PIGQ: variants seen among roughly 807,000 people sequenced by gnomAD.
PIGQ encodes the protein phosphatidylinositol N-acetylglucosaminyltransferase subunit Q.
A neutral mutation model predicts 60.3 loss-of-function variants in PIGQ; 54 were observed. The ratio of observed to expected loss-of-function variants is 0.90; its 90% CI spans 0.72 to 1.12. The LOEUF (loss-of-function observed/expected upper bound fraction) is 1.12, where lower values mean the gene tolerates loss of function less well. Ranked by LOEUF, PIGQ falls within the 50% of genes most tolerant of loss-of-function variation. The pLI is 0.00. For synonymous variants in PIGQ, 416 were observed against 363.7 expected (o/e 1.14, Z -1.64); for missense variants, 799 against 793.5 (o/e 1.01, Z -0.08).
chr16:571,229 CTGTGTG>C (rs57285833), intron 1 of PIGQ, among the ~76,000 whole-genome samples: 2 of 4,360 alleles, frequency 4.6e-4, no homozygotes, highest in Admixed American at 2.9e-3. Flanking sequence ...TCTGGTTAGC[CTGTGTG>C]TGTGTGTGTG....
intron 8 of PIGQ, chr16:580,586 C>T (rs2035794819): frequency 1.8e-6 from 1 of 555,900 alleles, no homozygotes; most frequent in Admixed American, 3.0e-5. Context: ...CCACCTCCAG[C>T]ACCTGCTTGA....
At position 583,401 on chromosome 16, in the gene PIGQ, G is replaced by A. The variant is rs1305414158; in HGVS notation, c.*366G>A. The A allele has an allele frequency of 3.7e-6, 6 of 1,612,644 alleles. No homozygotes were observed. The highest frequency in any genetic ancestry group is 1.6e-4 in the Middle Eastern group (1 of 6,084). On this transcript the variant is annotated 3_prime_UTR_variant, in exon 11 of 11. Transcript: ENST00000321878. ...TCCACCACAGCAGCCCCAGGTGGAG[G>A]GCTGGTCTCCCTGGGGGCTCCCCAG...
Position 584,030 on chromosome 16 carries a change from G to T in PIGQ, c.*995G>T. 1 of 333,426 alleles carries T rather than the reference G, an allele frequency of 3.0e-6. No homozygotes were observed. The highest frequency in any genetic ancestry group is 5.9e-6 in the Non-Finnish European group (1 of 169,532). 20.7% of individuals were successfully genotyped at this position (333,426 alleles called of 1,614,324 possible). On this transcript the variant is annotated 3_prime_UTR_variant, in exon 11 of 11. Transcript: ENST00000321878. ...GCAGCGCCCATCTCAGCAGCACCAG[G>T]ACTGCCTGGGACTCCCTGGCAACCC...
Position 583,285 on chromosome 16 carries a change from G to T in PIGQ, c.*250G>T, listed in dbSNP as rs1400575667. On this transcript the variant is annotated 3_prime_UTR_variant, in exon 11 of 11. Coordinates refer to ENST00000321878, the MANE Select transcript of PIGQ (RefSeq NM_004204.5). ...CTGCCTTGGGACCCGCTTCCCACCT[G>T]CTGCGGTCACCATGGTGGCGAGCAC... 8 of 1,612,794 alleles carry T rather than the reference G, an allele frequency of 5.0e-6. No homozygotes were observed. The East Asian group carries it at 1.8e-4, about 36-fold the overall frequency.
At position 575,836 on chromosome 16, in the gene PIGQ, C is replaced by T. The variant is rs370348620; in HGVS notation, c.690-3C>T. 4.9e-5 allele frequency: 77 copies of T among 1,561,148 alleles called. No individual in the cohort carries two copies. The highest frequency in any genetic ancestry group is 9.5e-5 in the African/African-American group (7 of 73,588). ...CACATCACTCCTCTCCACTCCCACG[C>T]AGAGTGTTCAAGCTCTGGCCCCTGT... On this transcript the variant is annotated splice_polypyrimidine_tract_variant and splice_region_variant and intron_variant, in intron 2 of 10. Coordinates refer to ENST00000321878, the MANE Select transcript of PIGQ (RefSeq NM_004204.5).
At position 583,271 on chromosome 16, in the gene PIGQ, C is replaced by G. The variant is rs992655225; in HGVS notation, c.*236C>G. The stretch of plus-strand genomic sequence containing the variant: ...ATCACTGGCACTGCCTGCCTTGGGA[C>G]CCGCTTCCCACCTGCTGCGGTCACC... On this transcript the variant is annotated 3_prime_UTR_variant, in exon 11 of 11. Coordinates refer to ENST00000321878, the MANE Select transcript of PIGQ (RefSeq NM_004204.5). 4 of 1,612,804 alleles carry G rather than the reference C, an allele frequency of 2.5e-6. No individual in the cohort carries two copies. The African/African-American group carries it at 4.0e-5, about 16-fold the overall frequency.
rs561397217 is a variant in PIGQ, at chr16:582,276, C to G, written c.1560C>G (p.His520Gln). 5.0e-6 allele frequency: 8 copies of G among 1,606,514 alleles called. No homozygotes were observed. In the African/African-American group the frequency reaches 8.0e-5, roughly 16 times the overall value. Residue 520 changes from histidine (H) to glutamine (Q), a missense_variant, in exon 10 of 11, where the codon CAC becomes CAG. Coordinates refer to ENST00000321878, the MANE Select transcript of PIGQ (RefSeq NM_004204.5). ...AAGVKFRVLR[H>Q]EAGRPLRLLM... ...GCGTGAAGTTCCGTGTCCTCCGGCA[C>G]GAGGCCGGCAGGCCCCTCCGCCTCC...
Position 580,878 on chromosome 16 carries a change from C to A in PIGQ, c.1437C>A (p.Ala479=). The A allele has an allele frequency of 6.4e-7, 1 of 1,564,450 alleles. No homozygotes were observed. Among genetic ancestry groups the A allele is most frequent in the Non-Finnish European group, 8.8e-7 (1 of 1,140,830 alleles). ...CACAGCTCCGGCTCCTGGTGGTCGC[C>A]GTGCAGGGCCTGATCCATCTGCTCG... ...VFTLLRLLVV[A]VQGLIHLLVD... is the part of the protein sequence containing the mutation. Residue 479 remains alanine (A), a synonymous_variant, in exon 9 of 11, where the codon GCC becomes GCA. Coordinates refer to ENST00000321878, the MANE Select transcript of PIGQ (RefSeq NM_004204.5).
At position 584,095 on chromosome 16, in the gene PIGQ, T is replaced by C; in HGVS notation, c.*1060T>C. ...CGTCAGCTGCTGTGACAATAAAACC[T>C]GCCCCGTGTCTGGAGCGCAGGCTCG... On this transcript the variant is annotated 3_prime_UTR_variant, in exon 11 of 11. Coordinates refer to ENST00000321878, the MANE Select transcript of PIGQ (RefSeq NM_004204.5). 1 of 268,078 alleles carries C rather than the reference T, an allele frequency of 3.7e-6. No homozygotes were observed. The highest frequency in any genetic ancestry group is 7.4e-6 in the Non-Finnish European group (1 of 134,856). 16.6% of individuals were successfully genotyped at this position (268,078 alleles called of 1,614,324 possible).
Position 576,227 on chromosome 16 carries a change from G to C in PIGQ, c.915G>C (p.Leu305=), listed in dbSNP as rs75952679. 8.0e-3 allele frequency: 12,346 copies of C among 1,552,642 alleles called. 530 individuals carry two copies. In the African/African-American group the frequency reaches 0.11, roughly 14 times the overall value. ...ACGGGAGAAGCCGCATCGGGCATCT[G>C]GCCGACGCCCTCGTTCCTGTGGCTG... is the stretch of plus-strand genomic sequence containing the variant. The part of the protein sequence containing the change: ...WLHGRSRIGH[L]ADALVPVADH... The change falls in exon 4 of 11, where the codon CTG becomes CTC. Residue 305 remains leucine, a synonymous_variant. Transcript: ENST00000321878.
rs2035677445 is a variant in PIGQ at position 574,157 on chromosome 16, G to A, written c.83G>A (p.Ser28Asn). 1 of 1,612,570 alleles carries A rather than the reference G, an allele frequency of 6.2e-7. No homozygotes were observed. The highest frequency in any genetic ancestry group is 1.6e-4 in the Middle Eastern group (1 of 6,062). ...GTGGGACGGTGGGTGCCGGAGCAGA[G>A]CAGCGCCGTGGTCCTGGCGGTCCTG... is the stretch of plus-strand genomic sequence containing the variant. ...LLVGRWVPEQ[S>N]SAVVLAVLHF... The change falls in exon 2 of 11, where the codon AGC (serine) becomes AAC (asparagine). Residue 28 changes from serine to asparagine, a missense_variant. By Grantham distance (46) the Ser-to-Asn change is conservative. Coordinates refer to ENST00000321878, the MANE Select transcript of PIGQ (RefSeq NM_004204.5).
At chr16:579,043 G>GGGCCC in intron 6 of PIGQ, 26 bp from the exon 7 acceptor site, 2 of 1,591,250 alleles carry the variant, frequency 1.3e-6, no homozygotes, top group South Asian at 1.1e-5. Context: ...GGGCGGGGCC[G>GGGCCC]GGCCCGACAG....
intron 4 of PIGQ, chr16:577,986 G>A (rs931324741): frequency 5.6e-5 from 11 of 197,918 alleles, no homozygotes; most frequent in Non-Finnish European, 9.4e-5. Context: ...GTCAGCTGTG[G>A]GCTTCCCTGC....
In PIGQ at chr16:574,185, C is replaced by G. The variant is rs2035678223; in HGVS notation, c.111C>G (p.His37Gln). The G allele has an allele frequency of 1.2e-6, 2 of 1,612,740 alleles. No individual in the cohort carries two copies. The highest frequency in any genetic ancestry group is 1.7e-6 in the Non-Finnish European group (2 of 1,179,822). Reference protein sequence around the residue: ...QSSAVVLAVLHFPFIPIQVKQ... With the variant: ...QSSAVVLAVLQFPFIPIQVKQ... Reference sequence around the variant, plus strand: ...GCGCCGTGGTCCTGGCGGTCCTGCACTTTCCCTTCATCCCCATCCAGGTCA... The same window carrying G: ...GCGCCGTGGTCCTGGCGGTCCTGCAGTTTCCCTTCATCCCCATCCAGGTCA... Residue 37 changes from histidine (H) to glutamine (Q), a missense_variant, in exon 2 of 11, where the codon CAC becomes CAG. Coordinates refer to ENST00000321878, the MANE Select transcript of PIGQ (RefSeq NM_004204.5).
intron 1 of PIGQ, among the ~76,000 whole-genome samples, chr16:571,111 G>GTGTGT (rs1567173452): frequency 1.9e-5 from 1 of 53,512 alleles, no homozygotes; most frequent in Non-Finnish European, 3.7e-5. Flanking sequence ...GTGTGTGTCT[G>GTGTGT]GCTAGCCTGG....
chr16:581,170 A>G (rs1158206006), intron 9 of PIGQ, 198 bp downstream of exon 9: 46 of 1,445,290 alleles, frequency 3.2e-5, no homozygotes, highest in Non-Finnish European at 4.0e-5. Flanking sequence ...GGAGGTGGAG[A>G]GAGACTCAGA....
chr16:579,337 C>G, intron 7 of PIGQ, 157 bp downstream of exon 7: 2 of 629,498 alleles, frequency 3.2e-6, no homozygotes, highest in South Asian at 3.7e-5. Flanking sequence ...GCGGTGTGGG[C>G]TGCACGTGGG....
chr16:580,016 T>G (rs1596386540), intron 7 of PIGQ, 167 bp from the exon 8 acceptor site: 1 of 532,268 alleles, frequency 1.9e-6, no homozygotes, highest in East Asian at 3.0e-5. Context: ...GGGGTGTGGG[T>G]GGACAGCCCT....
At position 580,950 on chromosome 16, in the gene PIGQ, C is replaced by T. The variant is rs1275908188; in HGVS notation, c.1509C>T (p.Leu503=). 4 of 1,609,992 alleles carry T rather than the reference C, an allele frequency of 2.5e-6. No individual in the cohort carries two copies. In the African/African-American group the frequency reaches 5.3e-5, roughly 21 times the overall value. The change falls in exon 9 of 11, where the codon CTC becomes CTT. Residue 503 remains leucine, a synonymous_variant. Coordinates refer to ENST00000321878, the MANE Select transcript of PIGQ (RefSeq NM_004204.5). ...CGCTGTACTCACTGGGTCTTCGGCT[C>T]TGCCGGCCCTACAGGCTGGCGGGTA... is the stretch of plus-strand genomic sequence containing the variant. The part of the protein sequence containing the change: ...SLPLYSLGLR[L]CRPYRLAAGV...
Sources: allele counts gnomAD v4.1 joint callset (sites outside exome capture counted in the v4.1 genomes callset), GRCh38; gene constraint gnomAD v4.1.1; transcripts MANE v1.5; gene names NCBI Gene and HGNC (gene_info 2026-07-23, HGNC 2026-07-21).